Variants in GRID2 observed in about 807,000 individuals in gnomAD.
The protein encoded by GRID2 is glutamate receptor ionotropic, delta-2.
Under a neutral mutation model 114.8 loss-of-function variants are expected in GRID2, and 33 were observed. The observed-to-expected ratio is 0.29, with a 90% CI of 0.22 to 0.38. The LOEUF (loss-of-function observed/expected upper bound fraction) is 0.38. Among genes scored for constraint, GRID2 ranks in the 10% least tolerant of loss-of-function variants. The pLI is 1.00. For synonymous variants in GRID2, 505 were observed against 449.9 expected (o/e 1.12, Z -1.55); for missense variants, 1,184 against 1,257.7 (o/e 0.94, Z 0.89).
chr4:93,356,919 CT>C (rs1761391408), intron 8 of GRID2, among the ~76,000 whole-genome samples: 1 of 151,548 alleles, frequency 6.6e-6, no homozygotes, highest in East Asian at 1.9e-4. Flanking sequence ...CTTTTTATTT[CT>C]TTTATTTCTT....
intron 1 of GRID2, among the ~76,000 whole-genome samples, chr4:92,311,901 T>C (rs991942036): frequency 1.3e-5 from 2 of 152,024 alleles, no homozygotes; most frequent in Admixed American, 1.3e-4. Flanking sequence ...ACTTACATTC[T>C]CATGGAAGAG....
chr4:92,639,551 G>C (rs1311337215), intron 2 of GRID2, among the ~76,000 whole-genome samples: 1 of 151,726 alleles, frequency 6.6e-6, no homozygotes, highest in Admixed American at 6.6e-5. Context: ...AAGCAGTTTA[G>C]TATCTGTGAA....
At chr4:93,166,670 A>C (rs1415156772) in intron 4 of GRID2, among the ~76,000 whole-genome samples, 1 of 152,136 alleles carries the variant, frequency 6.6e-6, no homozygotes, top group East Asian at 1.9e-4. Context: ...ATGTAGGGAT[A>C]ATGCAGGGAT....
intron 2 of GRID2, among the ~76,000 whole-genome samples, chr4:93,074,871 G>T (rs745731433): frequency 6.6e-6 from 1 of 152,096 alleles, no homozygotes; most frequent in South Asian, 2.1e-4. Context: ...TGACAACTTA[G>T]ATGAAGAAGG....
intron 2 of GRID2, among the ~76,000 whole-genome samples, chr4:92,952,588 T>C (rs1407499908): frequency 1.3e-5 from 2 of 152,194 alleles, no homozygotes; most frequent in African/African-American, 2.4e-5. Context: ...TGGTATTTGG[T>C]AGCTATATGA....
In GRID2 at chr4:93,451,135, G is replaced by A. The variant is rs537167518; in HGVS notation, c.1546-4527G>A. Among the ~76,000 whole-genome samples, 19 of 152,084 alleles carry A rather than the reference G, an allele frequency of 1.2e-4. No individual in the cohort carries two copies. The South Asian group carries it at 3.9e-3, about 32-fold the overall frequency. ...AGTATTTATTGACCATGAATTCTATGCCAGAAAATGTGATATGTAATTTTT... is the reference window on the plus strand; with the variant it reads ...AGTATTTATTGACCATGAATTCTATACCAGAAAATGTGATATGTAATTTTT... On this transcript the variant is annotated intron_variant, in intron 10 of 15. Transcript: ENST00000282020.
chr4:93,015,076 A>G (rs1323426543), intron 2 of GRID2, among the ~76,000 whole-genome samples: 1 of 152,192 alleles, frequency 6.6e-6, no homozygotes, highest in Non-Finnish European at 1.5e-5. Flanking sequence ...AAGGTTCTTA[A>G]CAGAGAGGCT....
intron 1 of GRID2, among the ~76,000 whole-genome samples, chr4:92,560,556 A>G (rs1191011103): frequency 6.6e-6 from 1 of 152,158 alleles, no homozygotes; most frequent in Non-Finnish European, 1.5e-5. Context: ...TTTATTGATC[A>G]ATGTTTCACA....
At chr4:93,535,166 C>T (rs771137787) in intron 13 of GRID2, among the ~76,000 whole-genome samples, 1 of 151,426 alleles carries the variant, frequency 6.6e-6, no homozygotes. Context: ...CATGTTGTCA[C>T]AAATGGTGGG....
At chr4:92,842,716 GAA>G (rs1175595609) in intron 2 of GRID2, among the ~76,000 whole-genome samples, 2 of 151,840 alleles carry the variant, frequency 1.3e-5, no homozygotes, top group Non-Finnish European at 2.9e-5. Context: ...AGACTTAGAA[GAA>G]AAAGATGAAA....
chr4:92,609,584 T>TGGAA lies in GRID2; in HGVS notation c.244+19299_244+19302dup, dbSNP rs991442968. 1.1e-4 allele frequency among the ~76,000 whole-genome samples: 16 copies of TGGAA among 151,022 alleles called. No individual in the cohort carries two copies. The Admixed American group carries it at 1.1e-3, about 10-fold the overall frequency. The stretch of plus-strand genomic sequence containing the variant: ...GGGCAAAAGTGATGTGGCTCTCCAG[T>TGGAA]GGAAAGCAGAGTGTACAACAGTTAC... On this transcript the variant is annotated intron_variant, in intron 2 of 15. Coordinates refer to ENST00000282020, the MANE Select transcript of GRID2 (RefSeq NM_001510.4).
intron 14 of GRID2, among the ~76,000 whole-genome samples, chr4:93,713,024 C>T (rs1385992117): frequency 1.3e-5 from 2 of 151,910 alleles, no homozygotes; most frequent in Admixed American, 6.6e-5. Flanking sequence ...TGTATATGAG[C>T]CATTTTCCTG....
At chr4:93,189,824 CT>C (rs1415357249) in intron 4 of GRID2, among the ~76,000 whole-genome samples, 7 of 146,174 alleles carry the variant, frequency 4.8e-5, no homozygotes, top group Admixed American at 4.8e-4. Context: ...CAAATCTCAT[CT>C]TTAAAAAAAA....
At chr4:92,329,944 AGAG>A (rs1362264036) in intron 1 of GRID2, among the ~76,000 whole-genome samples, 2 of 151,048 alleles carry the variant, frequency 1.3e-5, no homozygotes, top group Non-Finnish European at 3.0e-5. Flanking sequence ...AAAGGAGAGA[AGAG>A]AGAGAGGGAA....
At chr4:93,212,273 G>A (rs1282601807) in intron 5 of GRID2, among the ~76,000 whole-genome samples, 1 of 152,228 alleles carries the variant, frequency 6.6e-6, no homozygotes, top group East Asian at 1.9e-4. Context: ...AGTTTTTAAA[G>A]GAGGGAATAT....
chr4:93,455,700 A>C lies in GRID2; in HGVS notation c.1584A>C (p.Pro528=), dbSNP rs1161815489. The C allele has an allele frequency of 2.5e-6, 4 of 1,613,016 alleles. No homozygotes were observed. In the South Asian group the frequency reaches 4.4e-5, roughly 18 times the overall value. ...DIGISALTIT[P]DRENVVDFTT... ...GGATTTCTGCTTTAACCATCACTCC[A>C]GATCGTGAAAATGTGGTGGACTTTA... Residue 528 remains proline (P), a synonymous_variant, in exon 11 of 16, where the codon CCA becomes CCC. Coordinates refer to ENST00000282020, the MANE Select transcript of GRID2 (RefSeq NM_001510.4).
chr4:93,715,860 T>C (rs1202141460), intron 14 of GRID2, among the ~76,000 whole-genome samples: 1 of 152,184 alleles, frequency 6.6e-6, no homozygotes, highest in African/African-American at 2.4e-5. Flanking sequence ...AGATATAGAA[T>C]CATGTCATCT....
At chr4:92,980,621 A>C (rs181037276) in intron 2 of GRID2, among the ~76,000 whole-genome samples, 92 of 152,206 alleles carry the variant, frequency 6.0e-4, no homozygotes, top group Middle Eastern at 3.4e-3. Flanking sequence ...AGGTTTTAGG[A>C]GTCATAATTT....
intron 2 of GRID2, among the ~76,000 whole-genome samples, chr4:92,739,627 T>A (rs1355221236): frequency 6.6e-6 from 1 of 152,170 alleles, no homozygotes; most frequent in Non-Finnish European, 1.5e-5. Flanking sequence ...TTATAAAATC[T>A]ATGAATTTCA....
Sources: gnomAD v4.1 joint callset for allele counts (sites outside exome capture counted in the v4.1 genomes callset) on GRCh38, gnomAD v4.1.1 for gene constraint, MANE v1.5 for transcripts, NCBI Gene and HGNC (gene_info 2026-07-23, HGNC 2026-07-21) for gene names.